Variants in WNK3 observed in about 807,000 individuals in gnomAD.
The protein encoded by WNK3 is serine/threonine-protein kinase WNK3.
In WNK3, 18 loss-of-function variants were observed where a neutral mutation model predicts 116.7. That is an observed-to-expected ratio of 0.15 (90% confidence interval 0.11 to 0.23). The LOEUF is 0.23. Among genes scored for constraint, WNK3 ranks in the 10% least tolerant of loss-of-function variants. WNK3 has a pLI of 1.00. For synonymous variants in WNK3, 404 were observed against 469.4 expected, an observed-to-expected ratio of 0.86 and a Z score of 1.80; for missense variants, 993 against 1,323.8, an observed-to-expected ratio of 0.75 and a Z score of 3.88.
At chrX:54,234,708 C>G (rs1245282763) in intron 20 of WNK3, among the ~76,000 whole-genome samples, 1 of 109,263 alleles carries the variant, frequency 9.2e-6, no homozygotes, top group African/African-American at 3.3e-5. Context: ...TGCCTATAGT[C>G]CCAGCTACTT....
intron 2 of WNK3, among the ~76,000 whole-genome samples, chrX:54,314,515 TC>T (rs1292674561): frequency 8.9e-6 from 1 of 111,862 alleles, no homozygotes; most frequent in Non-Finnish European, 1.9e-5. Context: ...ACATCTGTAA[TC>T]CCAACAATTT....
intron 10 of WNK3, among the ~76,000 whole-genome samples, chrX:54,268,686 T>C (rs782103027): frequency 9.0e-6 from 1 of 110,806 alleles, no homozygotes; most frequent in Non-Finnish European, 1.9e-5. Context: ...AATGCTACCA[T>C]GAATGGTCCC....
intron 2 of WNK3, among the ~76,000 whole-genome samples, chrX:54,328,410 C>T (rs1418515786): frequency 2.7e-5 from 3 of 109,883 alleles, no homozygotes; most frequent in African/African-American, 9.9e-5. Flanking sequence ...TGGCTCATGC[C>T]TGTAATTCCA....
chrX:54,256,516 T>C (rs1487305600), intron 11 of WNK3, among the ~76,000 whole-genome samples: 3 of 112,108 alleles, frequency 2.7e-5, no homozygotes, highest in Non-Finnish European at 5.6e-5. Context: ...TACCTTTTAG[T>C]TTATCTGCGT....
chrX:54,356,180 A>T lies in WNK3; in HGVS notation c.-120+1506T>A, dbSNP rs141312723. Among the ~76,000 whole-genome samples the T allele has an allele frequency of 1.2e-4, 14 of 112,288 alleles. No homozygotes were observed. The East Asian group carries it at 3.9e-3, about 31-fold the overall frequency. On this transcript the variant is annotated intron_variant, in intron 1 of 23. Coordinates refer to ENST00000354646, the Ensembl canonical transcript of WNK3. ...CAGGACAAGACATCCTTATCAGAAG[A>T]TAAGTATTCAGAGAACAAAATGTTC...
intron 1 of WNK3, among the ~76,000 whole-genome samples, chrX:54,341,396 CAA>C (rs376230511): frequency 1.0e-5 from 1 of 96,448 alleles, no homozygotes. Context: ...AGCTCCATCT[CAA>C]AAAAAAAAAA....
At chrX:54,343,705 A>T (rs1272425297) in intron 1 of WNK3, 2 of 110,174 alleles carry the variant, frequency 1.8e-5, no homozygotes, top group Non-Finnish European at 3.8e-5. Context: ...TCTGTCGCCC[A>T]GGCTTAATTG....
chrX:54,228,153 G>A (rs2067863143), intron 22 of WNK3, among the ~76,000 whole-genome samples: 1 of 111,544 alleles, frequency 9.0e-6, no homozygotes, highest in African/African-American at 3.3e-5. Flanking sequence ...AAAAGAGCAG[G>A]CAAATCTATA....
intron 2 of WNK3, among the ~76,000 whole-genome samples, chrX:54,329,032 C>T (rs782757568): frequency 9.0e-5 from 10 of 111,623 alleles, no homozygotes; most frequent in Admixed American, 9.6e-5. Context: ...GACTGGAAGC[C>T]GGAAATCAGA....
rs3007026 is a variant in WNK3 at position 54,313,874 on chromosome X, C to T, written c.538-2583G>A. On this transcript the variant is annotated intron_variant, in intron 2 of 23. Transcript: ENST00000354646. ...TGTCTAATGTTTCAACCTTGTTTTC[C>T]TCCTTTTTTGATGTACATTAACATT... 2.1e-3 allele frequency among the ~76,000 whole-genome samples: 233 copies of T among 110,515 alleles called. 1 individual carries two copies. The highest frequency in any genetic ancestry group is 7.2e-3 in the African/African-American group (218 of 30,451).
At chrX:54,345,861 A>G (rs2069416787) in intron 1 of WNK3, among the ~76,000 whole-genome samples, 1 of 109,632 alleles carries the variant, frequency 9.1e-6, no homozygotes, top group African/African-American at 3.3e-5. Flanking sequence ...AATAGAGATC[A>G]TCTCTATCTT....
chrX:54,264,159 C>T (rs1337429201), intron 10 of WNK3, among the ~76,000 whole-genome samples: 4 of 109,412 alleles, frequency 3.7e-5, no homozygotes, highest in Non-Finnish European at 7.6e-5. Context: ...AGGGTGAAGC[C>T]CTGTCTGTAC....
At chrX:54,284,987 A>T (rs1024447969) in intron 10 of WNK3, among the ~76,000 whole-genome samples, 2 of 110,879 alleles carry the variant, frequency 1.8e-5, no homozygotes, top group Non-Finnish European at 3.8e-5. Flanking sequence ...AAAAAAAAAA[A>T]GCTACTGATA....
chrX:54,301,114 G>A (rs1342206605), intron 6 of WNK3, among the ~76,000 whole-genome samples: 1 of 108,451 alleles, frequency 9.2e-6, no homozygotes, highest in Non-Finnish European at 1.9e-5. Flanking sequence ...GTGATGGCAT[G>A]CACCTGCAAT....
intron 2 of WNK3, among the ~76,000 whole-genome samples, 158 bp from the exon 3 acceptor site, chrX:54,311,449 A>T (rs2068885938): frequency 1.8e-5 from 2 of 112,201 alleles, no homozygotes; most frequent in Non-Finnish European, 3.8e-5. Flanking sequence ...ATCATCACAG[A>T]TATCCTTTAT....
intron 22 of WNK3, among the ~76,000 whole-genome samples, chrX:54,215,402 G>C (rs1265619212): frequency 8.9e-6 from 1 of 112,598 alleles, no homozygotes; most frequent in East Asian, 2.8e-4. Context: ...CGTTGGCCGG[G>C]CTGGTCTCCA....
intron 1 of WNK3, among the ~76,000 whole-genome samples, chrX:54,342,426 C>T (rs987966573): frequency 6.4e-5 from 7 of 108,933 alleles, no homozygotes; most frequent in Admixed American, 4.0e-4. Context: ...ATTAGCTGGG[C>T]GTGGTGGCGG....
chrX:54,333,289 T>C, exon 2 of WNK3: 1 of 1,211,570 alleles, frequency 8.3e-7, no homozygotes, highest in Non-Finnish European at 1.1e-6. Context: ...TCTTCTTCCA[T>C]TTCCTTTTCA....
chrX:54,288,911 G>A (rs2068609163), intron 10 of WNK3, among the ~76,000 whole-genome samples: 1 of 111,955 alleles, frequency 8.9e-6, no homozygotes, highest in Non-Finnish European at 1.9e-5. Flanking sequence ...TCTGTCATGT[G>A]TACTCACTTG....
Sources: gnomAD v4.1 joint callset for allele counts (sites outside exome capture counted in the v4.1 genomes callset) on GRCh38, gnomAD v4.1.1 for gene constraint, MANE v1.5 for transcripts, NCBI Gene and HGNC (gene_info 2026-07-23, HGNC 2026-07-21) for gene names.